Variants in GSG1L observed in about 807,000 individuals in gnomAD.
The protein encoded by GSG1L is germ cell-specific gene 1-like protein.
GSG1L carries 24 observed loss-of-function variants against 42.1 expected under a neutral mutation model. The observed-to-expected ratio is 0.57, with a 90% CI of 0.41 to 0.80. The LOEUF is 0.80. GSG1L is among the 30% of genes least tolerant of loss of function. The pLI, the probability that GSG1L is intolerant of heterozygous loss-of-function variation, is 0.00. For missense variants in GSG1L, 445 were observed against 472.2 expected, an observed-to-expected ratio of 0.94 and a Z score of 0.53; for synonymous variants, 215 against 203.5, an observed-to-expected ratio of 1.06 and a Z score of -0.48.
At chr16:27,858,240 G>A (rs2083604101) in intron 3 of GSG1L, among the ~76,000 whole-genome samples, 2 of 152,182 alleles carry the variant, frequency 1.3e-5, no homozygotes, top group African/African-American at 4.8e-5. Flanking sequence ...CAACCGTCCA[G>A]AGAGCCAAAA....
intron 5 of GSG1L, among the ~76,000 whole-genome samples, chr16:27,811,295 A>G (rs1415931233): frequency 2.0e-5 from 3 of 152,230 alleles, no homozygotes; most frequent in African/African-American, 7.2e-5. Flanking sequence ...TGTATATAAA[A>G]GAGTAATTAA....
intron 1 of GSG1L, among the ~76,000 whole-genome samples, chr16:28,012,790 G>A (rs150032512): frequency 9.9e-5 from 15 of 151,884 alleles, no homozygotes; most frequent in Admixed American, 3.3e-4. Context: ...CCAGCTACTC[G>A]GGAAGCTGAG....
intron 5 of GSG1L, among the ~76,000 whole-genome samples, chr16:27,816,183 T>C (rs1421255092): frequency 6.6e-6 from 1 of 152,224 alleles, no homozygotes; most frequent in Non-Finnish European, 1.5e-5. Context: ...TGTAATGCAC[T>C]ATCCGGTGCC....
In GSG1L at chr16:27,883,916, G is replaced by A. The variant is rs1645366; in HGVS notation, c.550+570C>T. Among the ~76,000 whole-genome samples the A allele has an allele frequency of 5.3e-5, 8 of 152,086 alleles. No individual in the cohort carries two copies. In the East Asian group the frequency reaches 1.2e-3, roughly 22 times the overall value. The stretch of plus-strand genomic sequence containing the variant: ...CATTCTTCCTGAAACCCTCAAAATC[G>A]CTGGCTCTGTGGCCTTTTCCCACAA... On this transcript the variant is annotated intron_variant, in intron 3 of 6. Transcript: ENST00000447459.
intron 1 of GSG1L, among the ~76,000 whole-genome samples, chr16:28,041,675 C>CT (rs1322118075): frequency 6.6e-6 from 1 of 152,184 alleles, no homozygotes; most frequent in Admixed American, 6.5e-5. Flanking sequence ...CTCCCCAGGC[C>CT]TGGCATTTAC....
At chr16:27,798,257 T>G (rs1264620879) in intron 6 of GSG1L, among the ~76,000 whole-genome samples, 1 of 150,722 alleles carries the variant, frequency 6.6e-6, no homozygotes, top group East Asian at 1.9e-4. Flanking sequence ...ACCAGGAGAG[T>G]GAAAGGCAGA....
At chr16:28,062,929 C>A in intron 1 of GSG1L, 147 bp downstream of exon 1, 2 of 1,149,688 alleles carry the variant, frequency 1.7e-6, no homozygotes, top group Non-Finnish European at 2.2e-6. Flanking sequence ...GCCCCCTGCC[C>A]CGGAACGTCG....
At chr16:27,945,929 T>C (rs2084855151) in intron 2 of GSG1L, among the ~76,000 whole-genome samples, 1 of 152,084 alleles carries the variant, frequency 6.6e-6, no homozygotes, top group Admixed American at 6.6e-5. Context: ...GAGCAGAGGG[T>C]AACTCGGGTC....
At chr16:27,818,798 T>C (rs2083122297) in intron 5 of GSG1L, among the ~76,000 whole-genome samples, 1 of 152,182 alleles carries the variant, frequency 6.6e-6, no homozygotes, top group Non-Finnish European at 1.5e-5. Context: ...AAGGACTTTT[T>C]TTTTTCTTTT....
chr16:27,986,384 C>A (rs2085382557), intron 1 of GSG1L, among the ~76,000 whole-genome samples: 1 of 151,882 alleles, frequency 6.6e-6, no homozygotes, highest in South Asian at 2.1e-4. Flanking sequence ...CCTGTAATCC[C>A]AGCTACTTGG....
chr16:27,887,804 T>C (rs963160579), intron 2 of GSG1L, among the ~76,000 whole-genome samples: 1 of 151,584 alleles, frequency 6.6e-6, no homozygotes. Flanking sequence ...TTTTCTTTTC[T>C]TTTTTTTTCT....
At chr16:27,962,109 G>C (rs1406808927) in intron 2 of GSG1L, among the ~76,000 whole-genome samples, 1 of 152,144 alleles carries the variant, frequency 6.6e-6, no homozygotes, top group Non-Finnish European at 1.5e-5. Context: ...GGTGGCAGAG[G>C]GTAGGCAGGT....
chr16:28,007,019 C>T (rs1028126771), intron 1 of GSG1L, among the ~76,000 whole-genome samples: 2 of 152,120 alleles, frequency 1.3e-5, no homozygotes, highest in Non-Finnish European at 2.9e-5. Flanking sequence ...AAGGGAGCCC[C>T]AGGCTCCACC....
intron 1 of GSG1L, among the ~76,000 whole-genome samples, chr16:28,042,634 C>T (rs2086119605): frequency 1.3e-5 from 2 of 151,936 alleles, no homozygotes; most frequent in South Asian, 4.1e-4. Flanking sequence ...AGAGATCTTT[C>T]CATACAGAAA....
chr16:28,044,143 G>A (rs1288205846), intron 1 of GSG1L, among the ~76,000 whole-genome samples: 3 of 151,852 alleles, frequency 2.0e-5, no homozygotes, highest in African/African-American at 4.8e-5. Context: ...TTGGGAGGTC[G>A]AGGCAGGTGG....
chr16:27,887,704 C>G (rs916443039), intron 2 of GSG1L, among the ~76,000 whole-genome samples: 5 of 152,184 alleles, frequency 3.3e-5, no homozygotes, highest in African/African-American at 1.2e-4. Context: ...ATGAAGAACC[C>G]AGATGCTGAA....
intron 3 of GSG1L, among the ~76,000 whole-genome samples, chr16:27,863,862 G>A (rs2083684016): frequency 6.6e-6 from 1 of 152,194 alleles, no homozygotes; most frequent in African/African-American, 2.4e-5. Flanking sequence ...AGCTGTGTTA[G>A]GACTCATAAT....
At chr16:27,806,254 G>A (rs917899064) in intron 6 of GSG1L, among the ~76,000 whole-genome samples, 4 of 152,084 alleles carry the variant, frequency 2.6e-5, no homozygotes, top group African/African-American at 9.7e-5. Flanking sequence ...CCAAAATTGG[G>A]CTCTCTTCCC....
At chr16:27,946,878 T>C (rs2084879411) in intron 2 of GSG1L, among the ~76,000 whole-genome samples, 1 of 152,180 alleles carries the variant, frequency 6.6e-6, no homozygotes, top group South Asian at 2.1e-4. Context: ...ATATTCAAGC[T>C]GGAGTTTGAG....
Sources: allele counts gnomAD v4.1 joint callset (sites outside exome capture counted in the v4.1 genomes callset), GRCh38; gene constraint gnomAD v4.1.1; transcripts MANE v1.5; gene names NCBI Gene and HGNC (gene_info 2026-07-23, HGNC 2026-07-21).